ZNF407: variants seen among roughly 807,000 people sequenced by gnomAD.
ZNF407 encodes the protein zinc finger protein 407.
A neutral mutation model predicts 131.2 loss-of-function variants in ZNF407; 17 were observed. The observed-to-expected ratio is 0.13, with a 90% CI of 0.09 to 0.19. The LOEUF (loss-of-function observed/expected upper bound fraction) is 0.19, where lower values mean the gene tolerates loss of function less well. Among genes scored for constraint, ZNF407 ranks in the 10% least tolerant of loss-of-function variants. ZNF407 has a pLI of 1.00. For missense variants in ZNF407, 2,681 were observed against 2,830.6 expected (o/e 0.95, Z 1.20); for synonymous variants, 1,156 against 1,062.0 (o/e 1.09, Z -1.72).
At chr18:74,871,051 T>C (rs1275289085) in intron 4 of ZNF407, among the ~76,000 whole-genome samples, 3 of 152,214 alleles carry the variant, frequency 2.0e-5, no homozygotes, top group Non-Finnish European at 4.4e-5. Context: ...ACTGAATTTG[T>C]TGCTGTGGCA....
chr18:74,680,059 C>T (rs1966944897), intron 3 of ZNF407, among the ~76,000 whole-genome samples: 1 of 152,138 alleles, frequency 6.6e-6, no homozygotes, highest in Admixed American at 6.5e-5. Flanking sequence ...AACCATTCAG[C>T]ATACATGTTT....
intron 3 of ZNF407, among the ~76,000 whole-genome samples, chr18:74,727,181 C>T (rs1436425292): frequency 6.6e-6 from 1 of 152,052 alleles, no homozygotes; most frequent in Non-Finnish European, 1.5e-5. Flanking sequence ...ATCATGAAAA[C>T]GGTGAAGGAT....
intron 8 of ZNF407, among the ~76,000 whole-genome samples, chr18:74,951,689 G>T (rs1311045502): frequency 6.6e-6 from 1 of 151,774 alleles, no homozygotes; most frequent in Admixed American, 6.6e-5. Context: ...TTCCCTCTTT[G>T]TATGTAGGTT....
intron 8 of ZNF407, among the ~76,000 whole-genome samples, chr18:74,931,152 A>G (rs1025283241): frequency 2.6e-5 from 4 of 152,234 alleles, no homozygotes; most frequent in African/African-American, 7.2e-5. Flanking sequence ...GAATTAGGCA[A>G]TTGTTTCTTG....
chr18:75,016,980 C>G, intron 8 of ZNF407, among the ~76,000 whole-genome samples: 1 of 152,124 alleles, frequency 6.6e-6, no homozygotes, highest in Non-Finnish European at 1.5e-5. Context: ...GTGTCTAACA[C>G]TTCCACCATC....
At chr18:75,061,134 G>A (rs1483129045) in intron 8 of ZNF407, 9 of 152,220 alleles carry the variant, frequency 5.9e-5, no homozygotes, top group Non-Finnish European at 1.3e-4. Flanking sequence ...GTTTTTAAGA[G>A]ATCCTAGCAA....
intron 4 of ZNF407, among the ~76,000 whole-genome samples, chr18:74,800,975 C>T (rs1309966215): frequency 1.3e-5 from 2 of 151,804 alleles, no homozygotes; most frequent in Non-Finnish European, 2.9e-5. Flanking sequence ...TTTTTAAACT[C>T]TATAAAATGT....
intron 4 of ZNF407, among the ~76,000 whole-genome samples, chr18:74,854,712 TAC>T (rs1283869982): frequency 6.6e-6 from 1 of 152,062 alleles, no homozygotes; most frequent in Non-Finnish European, 1.5e-5. Context: ...CCCAATGCAC[TAC>T]ACAGACACAC....
At chr18:74,892,261 A>G (rs1376121454) in intron 7 of ZNF407, among the ~76,000 whole-genome samples, 1 of 152,174 alleles carries the variant, frequency 6.6e-6, no homozygotes, top group African/African-American at 2.4e-5. Context: ...CAAGGGTGTC[A>G]TGAGGAGTGC....
intron 3 of ZNF407, among the ~76,000 whole-genome samples, chr18:74,663,259 T>C (rs1242794563): frequency 6.6e-6 from 1 of 152,198 alleles, no homozygotes; most frequent in Non-Finnish European, 1.5e-5. Flanking sequence ...TATTTATGTG[T>C]ACCACATCTA....
chr18:74,966,499 C>T (rs1347320122), intron 8 of ZNF407, among the ~76,000 whole-genome samples: 2 of 152,052 alleles, frequency 1.3e-5, no homozygotes, highest in African/African-American at 2.4e-5. Flanking sequence ...TTTCTGGGTT[C>T]TGTATTCTGT....
intron 8 of ZNF407, among the ~76,000 whole-genome samples, chr18:74,999,545 G>A (rs1972821128): frequency 6.6e-6 from 1 of 152,030 alleles, no homozygotes; most frequent in Non-Finnish European, 1.5e-5. Flanking sequence ...TCTACTCCAG[G>A]AATATAGGAA....
chr18:74,788,520 G>A (rs35900244), intron 4 of ZNF407, among the ~76,000 whole-genome samples: 20,712 of 151,518 alleles, frequency 0.14, 2,536 homozygotes, highest in African/African-American at 0.33. Context: ...CCCAAGGAAA[G>A]GAAAGGGAAG....
At chr18:74,937,662 A>G (rs1195270346) in intron 8 of ZNF407, among the ~76,000 whole-genome samples, 1 of 152,206 alleles carries the variant, frequency 6.6e-6, no homozygotes, top group Non-Finnish European at 1.5e-5. Context: ...AATGGAATGA[A>G]TTCAGTTTTA....
At chr18:74,925,068 T>C (rs549573723) in intron 8 of ZNF407, among the ~76,000 whole-genome samples, 4 of 152,212 alleles carry the variant, frequency 2.6e-5, no homozygotes, top group African/African-American at 4.8e-5. Flanking sequence ...GGTGTTCTCT[T>C]TTCAGGGAAA....
At chr18:74,961,934 G>A (rs969226190) in intron 8 of ZNF407, among the ~76,000 whole-genome samples, 35 of 151,910 alleles carry the variant, frequency 2.3e-4, no homozygotes, top group Admixed American at 2.0e-3. Flanking sequence ...GGGAACAGCA[G>A]CAGTTGACTT....
At chr18:74,907,939 A>T (rs543024098) in intron 7 of ZNF407, among the ~76,000 whole-genome samples, 3 of 152,184 alleles carry the variant, frequency 2.0e-5, no homozygotes, top group African/African-American at 7.2e-5. Context: ...TGTCACCTTA[A>T]GTTTTAATTC....
chr18:74,772,301 A>G (rs1307601185), intron 3 of ZNF407, among the ~76,000 whole-genome samples: 1 of 152,132 alleles, frequency 6.6e-6, no homozygotes, highest in Non-Finnish European at 1.5e-5. Flanking sequence ...TGCTTTTTTA[A>G]ATTACAGATT....
intron 4 of ZNF407, among the ~76,000 whole-genome samples, chr18:74,836,293 C>T (rs1970558813): frequency 1.3e-5 from 2 of 152,274 alleles, no homozygotes; most frequent in African/African-American, 4.8e-5. Flanking sequence ...CCCTTTCCTC[C>T]GTGGAGCACT....
Sources: gnomAD v4.1 joint callset for allele counts (sites outside exome capture counted in the v4.1 genomes callset) on GRCh38, gnomAD v4.1.1 for gene constraint, MANE v1.5 for transcripts, NCBI Gene and HGNC (gene_info 2026-07-23, HGNC 2026-07-21) for gene names.